SLCO1B1: variants seen among roughly 807,000 people sequenced by gnomAD.
SLCO1B1 encodes the protein solute carrier organic anion transporter family member 1B1, also known as OATP-2.
Under a neutral mutation model 70.1 loss-of-function variants are expected in SLCO1B1, and 81 were observed. The ratio of observed to expected loss-of-function variants is 1.16; its 90% CI spans 0.97 to 1.39. SLCO1B1 has a LOEUF of 1.39. SLCO1B1 is among the 40% of genes most tolerant of loss of function. The pLI, the probability that SLCO1B1 is intolerant of heterozygous loss-of-function variation, is 0.00. For synonymous variants in SLCO1B1, 283 were observed against 271.5 expected (o/e 1.04, Z -0.42); for missense variants, 895 against 799.6 (o/e 1.12, Z -1.44).
chr12:21,200,120 C>A (rs1211602728), intron 8 of SLCO1B1, among the ~76,000 whole-genome samples: 1 of 152,094 alleles, frequency 6.6e-6, no homozygotes, highest in East Asian at 1.9e-4. Flanking sequence ...GTTTTTTGAA[C>A]AATTAGCATA....
At chr12:21,155,776 C>T (rs1359218202) in intron 2 of SLCO1B1, among the ~76,000 whole-genome samples, 1 of 152,142 alleles carries the variant, frequency 6.6e-6, no homozygotes, top group East Asian at 1.9e-4. Context: ...CTCCCTCAGT[C>T]CCCTGAATGC....
chr12:21,226,502 A>C (rs1941483759), intron 14 of SLCO1B1, among the ~76,000 whole-genome samples: 1 of 152,148 alleles, frequency 6.6e-6, no homozygotes, highest in South Asian at 2.1e-4. Flanking sequence ...AAAAGGGCCA[A>C]ACTATGAAGA....
rs1453038721 is a variant in SLCO1B1 at position 21,239,203 on chromosome 12, G to C, written c.*14G>C. 4 of 1,557,964 alleles carry C rather than the reference G, an allele frequency of 2.6e-6. No individual in the cohort carries two copies. The East Asian group carries it at 9.0e-5, about 35-fold the overall frequency. On this transcript the variant is annotated 3_prime_UTR_variant, in exon 15 of 15. Coordinates refer to ENST00000256958, the MANE Select transcript of SLCO1B1 (RefSeq NM_006446.5). ...ACACATTGTTAAGGGGAGAAAAAAA[G>C]CCACTTCTGCTTCTGTGTTTCCAAA...
chr12:21,198,037 A>G (rs1011359622), intron 8 of SLCO1B1, among the ~76,000 whole-genome samples: 3 of 152,180 alleles, frequency 2.0e-5, no homozygotes, highest in Non-Finnish European at 4.4e-5. Flanking sequence ...AAAGCAATGC[A>G]ACACTTAAAC....
At chr12:21,172,528 G>A (rs1940768125) in intron 2 of SLCO1B1, 122 bp from the exon 3 acceptor site, 2 of 1,148,310 alleles carry the variant, frequency 1.7e-6, no homozygotes, top group Non-Finnish European at 2.6e-6. Flanking sequence ...ACTAAGTATG[G>A]TTTTTAAGAT....
intron 2 of SLCO1B1, among the ~76,000 whole-genome samples, chr12:21,163,797 A>T (rs1373196570): frequency 6.6e-6 from 1 of 152,152 alleles, no homozygotes; most frequent in South Asian, 2.1e-4. Context: ...ATACCATCAC[A>T]TTGGGTTAGG....
At chr12:21,152,126 T>A (rs888224157) in intron 2 of SLCO1B1, among the ~76,000 whole-genome samples, 3 of 152,118 alleles carry the variant, frequency 2.0e-5, no homozygotes, top group Non-Finnish European at 2.9e-5. Context: ...AATTCATATA[T>A]CCTGAATCTC....
chr12:21,208,264 T>C lies in SLCO1B1; in HGVS notation c.1497+2231T>C, dbSNP rs1305653597. On this transcript the variant is annotated intron_variant, in intron 11 of 14. Coordinates refer to ENST00000256958, the MANE Select transcript of SLCO1B1 (RefSeq NM_006446.5). ...TTTTCTTCAGTGGTTTTTATAGTTT[T>C]AGGTTTTACATTTCAGTCTGTAATA... 3.3e-5 allele frequency among the ~76,000 whole-genome samples: 5 copies of C among 152,230 alleles called. No individual in the cohort carries two copies. In the South Asian group the frequency reaches 6.2e-4, roughly 19 times the overall value.
chr12:21,237,109 T>G (rs937562550), intron 14 of SLCO1B1, among the ~76,000 whole-genome samples: 2 of 152,186 alleles, frequency 1.3e-5, no homozygotes, highest in Non-Finnish European at 2.9e-5. Flanking sequence ...TATTTTTGTC[T>G]TCTATTCTTT....
At chr12:21,134,669 C>T (rs568237929) in intron 1 of SLCO1B1, among the ~76,000 whole-genome samples, 52 of 152,036 alleles carry the variant, frequency 3.4e-4, no homozygotes, top group Admixed American at 6.6e-4. Context: ...TCTGTGGGAT[C>T]GGTGGTTATA....
Position 21,222,421 on chromosome 12 carries a change from TATATATAC to T in SLCO1B1, c.1747+59_1747+66del, listed in dbSNP as rs1158545931. 5.2e-3 allele frequency: 828 copies of T among 158,512 alleles called. 8 individuals carry two copies. The highest frequency in any genetic ancestry group is 0.013 in the South Asian group (70 of 5,380). The allele number at this position is 158,512 out of a possible 1,614,324, so 9.8% of individuals were successfully genotyped here. A position where few individuals can be genotyped will look rare whatever the true frequency, so the allele number is the denominator to read the frequency against. On this transcript the variant is annotated intron_variant, in intron 13 of 14. Coordinates refer to ENST00000256958, the MANE Select transcript of SLCO1B1 (RefSeq NM_006446.5). ...AAATATATATATATATATATATATA[TATATATAC>T]ACACACACATACATATATTAAATTT...
At chr12:21,194,386 G>C (rs1431324552) in intron 7 of SLCO1B1, among the ~76,000 whole-genome samples, 1 of 151,756 alleles carries the variant, frequency 6.6e-6, no homozygotes, top group Non-Finnish European at 1.5e-5. Flanking sequence ...CCTGGCTTCT[G>C]TTTTTATTAT....
intron 1 of SLCO1B1, among the ~76,000 whole-genome samples, chr12:21,136,999 A>G (rs946992439): frequency 6.6e-5 from 10 of 152,050 alleles, no homozygotes; most frequent in Non-Finnish European, 1.5e-4. Flanking sequence ...TGACGTACAG[A>G]TGGGTTTTTG....
chr12:21,198,292 A>C (rs1591817338), intron 8 of SLCO1B1, among the ~76,000 whole-genome samples: 1 of 152,202 alleles, frequency 6.6e-6, no homozygotes, highest in South Asian at 2.1e-4. Context: ...ATGATTTATT[A>C]CCATGGAAAT....
intron 1 of SLCO1B1, among the ~76,000 whole-genome samples, chr12:21,132,917 T>G (rs1240820573): frequency 6.6e-6 from 1 of 152,112 alleles, no homozygotes; most frequent in Non-Finnish European, 1.5e-5. Context: ...CATGCCTATG[T>G]CCTGAATGGT....
intron 9 of SLCO1B1, 96 bp downstream of exon 9, chr12:21,200,768 T>C: frequency 9.7e-7 from 1 of 1,031,458 alleles, no homozygotes; most frequent in Non-Finnish European, 1.4e-6. Flanking sequence ...TTTTGTATTT[T>C]AGTAATACAG....
At chr12:21,226,085 T>C (rs7978219) in intron 14 of SLCO1B1, among the ~76,000 whole-genome samples, 51,777 of 152,016 alleles carry the variant, frequency 0.34, 9,161 homozygotes, top group East Asian at 0.45. Context: ...AAGAAAGAAA[T>C]TAAATGCATG....
At chr12:21,231,511 GTCA>G (rs1941537686) in intron 14 of SLCO1B1, among the ~76,000 whole-genome samples, 1 of 151,840 alleles carries the variant, frequency 6.6e-6, no homozygotes, top group Non-Finnish European at 1.5e-5. Context: ...CTTTCATGTG[GTCA>G]TCAAGAGGGG....
chr12:21,205,166 A>T (rs1401160127), intron 10 of SLCO1B1, among the ~76,000 whole-genome samples: 2 of 151,922 alleles, frequency 1.3e-5, no homozygotes, highest in Non-Finnish European at 2.9e-5. Flanking sequence ...AAAGAAAATA[A>T]TTTTTTAAAT....
Sources: gnomAD v4.1 joint callset for allele counts (sites outside exome capture counted in the v4.1 genomes callset) on GRCh38, gnomAD v4.1.1 for gene constraint, MANE v1.5 for transcripts, NCBI Gene and HGNC (gene_info 2026-07-23, HGNC 2026-07-21) for gene names.